Variants in CADM2 observed in about 807,000 individuals in gnomAD.
The protein encoded by CADM2 is immunoglobulin superfamily member 4D.
Under a neutral mutation model 49.8 loss-of-function variants are expected in CADM2, and 12 were observed. The ratio of observed to expected loss-of-function variants is 0.24; its 90% CI spans 0.15 to 0.39. The LOEUF (loss-of-function observed/expected upper bound fraction) is 0.39, where lower values mean the gene tolerates loss of function less well. CADM2 is among the 10% of genes least tolerant of loss of function. The probability of loss-of-function intolerance (pLI) is 1.00; values close to 1 mark genes in which losing one functional copy is unlikely to be tolerated. For missense variants in CADM2, 378 were observed against 492.3 expected (o/e 0.77, Z 2.20); for synonymous variants, 214 against 175.4 (o/e 1.22, Z -1.74).
At chr3:85,667,535 A>C (rs970331260) in intron 1 of CADM2, among the ~76,000 whole-genome samples, 1 of 151,904 alleles carries the variant, frequency 6.6e-6, no homozygotes, top group African/African-American at 2.4e-5. Context: ...AGTGAAGAGC[A>C]CTCCTCTTTG....
At chr3:85,095,190 T>A (rs1188542109) in intron 1 of CADM2, among the ~76,000 whole-genome samples, 2 of 152,346 alleles carry the variant, frequency 1.3e-5, no homozygotes, top group Middle Eastern at 3.4e-3. Flanking sequence ...TGGAATTTCA[T>A]TCCTTTATGT....
chr3:85,061,652 T>G (rs1253725358), intron 1 of CADM2, among the ~76,000 whole-genome samples: 2 of 152,094 alleles, frequency 1.3e-5, no homozygotes, highest in African/African-American at 4.8e-5. Flanking sequence ...AAAGAGGGCT[T>G]TATTTACTCC....
At chr3:85,999,246 C>T (rs1729817750) in intron 8 of CADM2, among the ~76,000 whole-genome samples, 2 of 150,812 alleles carry the variant, frequency 1.3e-5, no homozygotes, top group Admixed American at 6.6e-5. Context: ...CACCTGTAAT[C>T]CCATCACTTT....
At position 85,279,553 on chromosome 3, in the gene CADM2, C is replaced by T. The variant is rs533056376; in HGVS notation, c.61+319885C>T. ...TTTCCTGCAGAAATATTTCTTTATT[C>T]CTGCATGTTTTTAAGTTTTTAGCTT... On this transcript the variant is annotated intron_variant, in intron 1 of 9. Coordinates refer to ENST00000383699, the MANE Select transcript of CADM2 (RefSeq NM_001167675.2). 1.9e-4 allele frequency among the ~76,000 whole-genome samples: 29 copies of T among 150,966 alleles called. No individual in the cohort carries two copies. The South Asian group carries it at 6.1e-3, about 32-fold the overall frequency.
At chr3:86,043,017 T>C (rs1433404239) in intron 8 of CADM2, among the ~76,000 whole-genome samples, 5 of 152,074 alleles carry the variant, frequency 3.3e-5, no homozygotes, top group Admixed American at 2.0e-4. Context: ...AGGCCTTTGA[T>C]AAAATTCAAC....
chr3:85,780,287 A>C (rs2070572596), intron 2 of CADM2, among the ~76,000 whole-genome samples: 1 of 152,188 alleles, frequency 6.6e-6, no homozygotes, highest in Non-Finnish European at 1.5e-5. Context: ...GTACTTATTC[A>C]GAGATGCTTT....
chr3:85,950,685 A>C (rs560811843), intron 7 of CADM2, among the ~76,000 whole-genome samples: 1 of 151,170 alleles, frequency 6.6e-6, no homozygotes, highest in Non-Finnish European at 1.5e-5. Flanking sequence ...TTAAAAAATC[A>C]GAATCAAGTA....
chr3:85,246,757 TC>T (rs1262786470), intron 1 of CADM2, among the ~76,000 whole-genome samples: 5 of 152,196 alleles, frequency 3.3e-5, no homozygotes, highest in Middle Eastern at 6.8e-3. Flanking sequence ...ATACAAGTGT[TC>T]AATTCTTTAT....
intron 1 of CADM2, among the ~76,000 whole-genome samples, chr3:85,395,872 T>A (rs1256108606): frequency 1.3e-5 from 2 of 150,458 alleles, no homozygotes; most frequent in Non-Finnish European, 3.0e-5. Context: ...CATGTTTTAA[T>A]TACTGTCTTC....
At chr3:85,363,169 G>A (rs1198933498) in intron 1 of CADM2, among the ~76,000 whole-genome samples, 1 of 152,146 alleles carries the variant, frequency 6.6e-6, no homozygotes, top group African/African-American at 2.4e-5. Flanking sequence ...GGGTTTCTGT[G>A]ATCATCTCAA....
intron 1 of CADM2, among the ~76,000 whole-genome samples, chr3:85,085,350 A>G (rs1183011016): frequency 2.0e-5 from 3 of 152,092 alleles, no homozygotes; most frequent in Non-Finnish European, 2.9e-5. Context: ...TTAGCATAAC[A>G]TCCTCTAGGT....
At position 85,392,730 on chromosome 3, in the gene CADM2, T is replaced by C. The variant is rs550443510; in HGVS notation, c.62-333792T>C. Among the ~76,000 whole-genome samples, 6 of 152,190 alleles carry C rather than the reference T, an allele frequency of 3.9e-5. No individual in the cohort carries two copies. The South Asian group carries it at 1.2e-3, about 32-fold the overall frequency. ...TTCTATAAACTCTTTATGGACAGCT[T>C]GATTTTGTAATGAGCTTAATAAACT... On this transcript the variant is annotated intron_variant, in intron 1 of 9. Coordinates refer to ENST00000383699, the MANE Select transcript of CADM2 (RefSeq NM_001167675.2).
At chr3:85,929,393 T>A (rs774738393) in intron 6 of CADM2, among the ~76,000 whole-genome samples, 2 of 152,004 alleles carry the variant, frequency 1.3e-5, no homozygotes, top group Non-Finnish European at 2.9e-5. Flanking sequence ...TTATAAAACA[T>A]ATTCACAGAA....
intron 1 of CADM2, among the ~76,000 whole-genome samples, chr3:85,627,280 A>G (rs1397929669): frequency 6.6e-6 from 1 of 151,950 alleles, no homozygotes; most frequent in Non-Finnish European, 1.5e-5. Context: ...TCTTTCAGAG[A>G]ATATTTCACC....
At chr3:85,157,901 G>A (rs560306328) in intron 1 of CADM2, among the ~76,000 whole-genome samples, 64 of 152,206 alleles carry the variant, frequency 4.2e-4, no homozygotes, top group African/African-American at 1.5e-3. Context: ...GAGTGAACAG[G>A]CAACCTACAA....
intron 8 of CADM2, among the ~76,000 whole-genome samples, chr3:86,026,613 C>T (rs1273344665): frequency 2.0e-5 from 3 of 152,140 alleles, no homozygotes; most frequent in Non-Finnish European, 4.4e-5. Flanking sequence ...TCTACCTTGC[C>T]AACTGACGCC....
chr3:85,865,862 T>C (rs2075703340), intron 3 of CADM2, among the ~76,000 whole-genome samples: 1 of 152,188 alleles, frequency 6.6e-6, no homozygotes, highest in Non-Finnish European at 1.5e-5. Flanking sequence ...ATGAGATCTA[T>C]ATTTAAAGAA....
intron 7 of CADM2, among the ~76,000 whole-genome samples, chr3:85,942,478 TC>T (rs1466859901): frequency 2.8e-5 from 3 of 106,892 alleles, no homozygotes; most frequent in Non-Finnish European, 4.0e-5. Context: ...GTGCTATCCC[TC>T]CCCCCTCCCC....
At chr3:85,869,799 C>T (rs1261439165) in intron 3 of CADM2, among the ~76,000 whole-genome samples, 9 of 152,090 alleles carry the variant, frequency 5.9e-5, no homozygotes, top group Non-Finnish European at 7.4e-5. Flanking sequence ...GCTGGGACTA[C>T]AGGTGCCCGC....
Sources: allele counts gnomAD v4.1 joint callset (sites outside exome capture counted in the v4.1 genomes callset), GRCh38; gene constraint gnomAD v4.1.1; transcripts MANE v1.5; gene names NCBI Gene and HGNC (gene_info 2026-07-23, HGNC 2026-07-21).